ITIH5: variants seen among roughly 807,000 people sequenced by gnomAD.
The protein encoded by ITIH5 is inter-alpha-trypsin inhibitor heavy chain H5.
A neutral mutation model predicts 77.5 loss-of-function variants in ITIH5; 65 were observed. The observed-to-expected ratio is 0.84, with a 90% CI of 0.69 to 1.03. ITIH5 has a LOEUF of 1.03. Ranked by LOEUF, ITIH5 falls within the 50% of genes least tolerant of loss-of-function variation. ITIH5 has a pLI of 0.00. For missense variants in ITIH5, 1,208 were observed against 1,213.1 expected, an observed-to-expected ratio of 1.00 and a Z score of 0.06; for synonymous variants, 525 against 494.3, an observed-to-expected ratio of 1.06 and a Z score of -0.82.
At chr10:7,602,210 G>A (rs577389330) in intron 7 of ITIH5, among the ~76,000 whole-genome samples, 1 of 152,268 alleles carries the variant, frequency 6.6e-6, no homozygotes, top group African/African-American at 2.4e-5. Context: ...CCCTGAAGGA[G>A]TTTTATCCAT....
chr10:7,566,277 C>A lies in ITIH5; in HGVS notation c.2280G>T (p.Pro760=). The change falls in exon 13 of 14, where the codon CCG becomes CCT. Residue 760 remains proline (P), a synonymous_variant. Coordinates refer to ENST00000397146, the MANE Select transcript of ITIH5 (RefSeq NM_030569.7). The stretch of plus-strand genomic sequence containing the variant: ...CCCCACCATCCAAGATGACTCTGCT[C>A]GGTGTGATCTCGAGATAAGATCTCT... The part of the protein sequence containing the change: ...KPERSYLEIT[P]SRVILDGGDR... 1 of 1,613,390 alleles carries A rather than the reference C, an allele frequency of 6.2e-7. No individual in the cohort carries two copies. Among genetic ancestry groups the A allele is most frequent in the Non-Finnish European group, 8.5e-7 (1 of 1,179,730 alleles).
In ITIH5 at chr10:7,616,227, C is replaced by T. The variant is rs147112744; in HGVS notation, c.823-129G>A. ...AGAGTTTAGGGTGAGATTCCACACC[C>T]GGAGTAAAATTATCTAAGGCCCTGA... On this transcript the variant is annotated intron_variant, in intron 6 of 13. Transcript: ENST00000397146. 154 of 621,710 alleles carry T rather than the reference C, an allele frequency of 2.5e-4. No homozygotes were observed. In the African/African-American group the frequency reaches 2.5e-3, roughly 10 times the overall value. 38.5% of individuals were successfully genotyped at this position (621,710 alleles called of 1,614,324 possible).
At chr10:7,596,345 C>T (rs546558661) in intron 7 of ITIH5, among the ~76,000 whole-genome samples, 16 of 152,294 alleles carry the variant, frequency 1.1e-4, no homozygotes, top group Admixed American at 6.5e-4. Flanking sequence ...AGTAGAATCG[C>T]GTCTAATAAG....
chr10:7,644,887 CATATATATATCACAT>C (rs1182794596), intron 2 of ITIH5, among the ~76,000 whole-genome samples: 40 of 93,566 alleles, frequency 4.3e-4, no homozygotes, highest in South Asian at 8.2e-4. Flanking sequence ...ATATATATCA[CATATATATATCACAT>C]ATATATATCA....
At chr10:7,574,034 A>G (rs752324374) in intron 10 of ITIH5, among the ~76,000 whole-genome samples, 2 of 152,254 alleles carry the variant, frequency 1.3e-5, no homozygotes, top group African/African-American at 2.4e-5. Flanking sequence ...AAAACAAACA[A>G]TAATGTAATA....
intron 5 of ITIH5, among the ~76,000 whole-genome samples, chr10:7,631,149 C>T (rs577999906): frequency 6.7e-6 from 1 of 149,040 alleles, no homozygotes; most frequent in East Asian, 1.9e-4. Context: ...CCGTTGCAAT[C>T]ACAAGGGGAT....
intron 6 of ITIH5, among the ~76,000 whole-genome samples, 199 bp from the exon 7 acceptor site, chr10:7,616,297 G>C (rs7893294): frequency 0.027 from 4,159 of 152,220 alleles, 203 homozygotes; most frequent in African/African-American, 0.094. Flanking sequence ...TATAAGGGTA[G>C]ACTCTTCCCT....
chr10:7,596,011 T>TAATA (rs1009962576), intron 7 of ITIH5, among the ~76,000 whole-genome samples: 2 of 152,110 alleles, frequency 1.3e-5, no homozygotes, highest in African/African-American at 2.4e-5. Flanking sequence ...CCGTCTAAAT[T>TAATA]AATAAATAAA....
chr10:7,575,861 T>G (rs1265702197), intron 10 of ITIH5, among the ~76,000 whole-genome samples: 2 of 152,210 alleles, frequency 1.3e-5, no homozygotes. Context: ...AAGCACTCAG[T>G]TTATTGATGC....
chr10:7,624,798 A>AATATATATATATATACACAC lies in ITIH5; in HGVS notation c.653-7517_653-7516insGTGTGTATATATATATATAT, dbSNP rs1833533915. On this transcript the variant is annotated intron_variant, in intron 5 of 13. Transcript: ENST00000397146. ...GAGACTCTGCCTAAAAAAAAAAAAA[A>AATATATATATATATACACAC]ATATATATATATATACACATATATA... is the stretch of plus-strand genomic sequence containing the variant. Among the ~76,000 whole-genome samples, 3 of 61,798 alleles carry AATATATATATATATACACAC rather than the reference A, an allele frequency of 4.9e-5. 1 individual carries two copies. Among genetic ancestry groups the AATATATATATATATACACAC allele is most frequent in the African/African-American group, 2.1e-4 (3 of 14,282 alleles). 40.5% of individuals were successfully genotyped at this position (61,798 alleles called of 152,430 possible).
At chr10:7,654,692 T>A (rs926684125) in intron 2 of ITIH5, among the ~76,000 whole-genome samples, 3 of 152,232 alleles carry the variant, frequency 2.0e-5, no homozygotes, top group East Asian at 3.8e-4. Context: ...CTGTGAGTAA[T>A]AAATCATCCT....
chr10:7,599,405 G>C (rs923756912), intron 7 of ITIH5, among the ~76,000 whole-genome samples: 1 of 152,114 alleles, frequency 6.6e-6, no homozygotes, highest in African/African-American at 2.4e-5. Context: ...GTGTGTAACT[G>C]GTGTCTCCCA....
intron 5 of ITIH5, among the ~76,000 whole-genome samples, chr10:7,635,251 A>G (rs1833780749): frequency 6.6e-6 from 1 of 152,262 alleles, no homozygotes; most frequent in African/African-American, 2.4e-5. Flanking sequence ...AAAAGTCAAT[A>G]TAATGTGAAA....
rs556088169 is a variant in ITIH5 at position 7,583,043 on chromosome 10, T to C, written c.1108+2858A>G. The stretch of plus-strand genomic sequence containing the variant: ...TGCTTGAGGTGATGGATATCTCATT[T>C]ATCTGATGTAATTATCACACAATGT... On this transcript the variant is annotated intron_variant, in intron 8 of 13. Transcript: ENST00000397146. 1.3e-4 allele frequency among the ~76,000 whole-genome samples: 20 copies of C among 152,336 alleles called. No individual in the cohort carries two copies. The South Asian group carries it at 4.1e-3, about 32-fold the overall frequency.
intron 1 of ITIH5, among the ~76,000 whole-genome samples, chr10:7,657,261 A>T (rs112740940): frequency 0.044 from 6,347 of 144,976 alleles, 251 homozygotes; most frequent in African/African-American, 0.11. Context: ...GTTGGCCAGC[A>T]TGGTCTGGAT....
Position 7,566,420 on chromosome 10 carries a change from G to A in ITIH5, c.2150-13C>T, listed in dbSNP as rs746489805. The A allele has an allele frequency of 6.3e-7, 1 of 1,580,656 alleles. No homozygotes were observed. The highest frequency in any genetic ancestry group is 2.3e-5 in the East Asian group (1 of 44,248). On this transcript the variant is annotated splice_polypyrimidine_tract_variant and intron_variant, in intron 12 of 13. Coordinates refer to ENST00000397146, the MANE Select transcript of ITIH5 (RefSeq NM_030569.7). ...TTCACTGTGACACCTCAAAGGCCAA[G>A]GGGAAAAGAAGAAGGTTAGAAAATC...
chr10:7,637,474 T>C lies in ITIH5; in HGVS notation c.406A>G (p.Lys136Glu). The change falls in exon 5 of 14, where the codon AAG becomes GAG. Residue 136 changes from lysine (K) to glutamate (E), a missense_variant. Transcript: ENST00000397146. Reference protein sequence around the residue: ...RNKTTEENGEKGTEIFRASAV... With the variant: ...RNKTTEENGEEGTEIFRASAV... ...GAAGCTCTGAATATTTCAGTCCCCT[T>C]CTCTCTGTCAGGAAAAAGGAAAAGG... is the stretch of plus-strand genomic sequence containing the variant. The C allele has an allele frequency of 2.5e-6, 4 of 1,613,450 alleles. No homozygotes were observed. Among genetic ancestry groups the C allele is most frequent in the Non-Finnish European group, 1.7e-6 (2 of 1,179,890 alleles).
At chr10:7,616,832 T>G (rs1382519429) in intron 6 of ITIH5, among the ~76,000 whole-genome samples, 1 of 151,880 alleles carries the variant, frequency 6.6e-6, no homozygotes, top group Admixed American at 6.6e-5. Flanking sequence ...GTCTCAAAAA[T>G]AAAATAAAAT....
chr10:7,572,022 G>C (rs1588361269), intron 11 of ITIH5: 1 of 1,010,412 alleles, frequency 9.9e-7, no homozygotes, highest in Non-Finnish European at 1.2e-6. Flanking sequence ...TACAAGGAAA[G>C]ATAGTGCTTG....
Sources: gnomAD v4.1 joint callset for allele counts (sites outside exome capture counted in the v4.1 genomes callset) on GRCh38, gnomAD v4.1.1 for gene constraint, MANE v1.5 for transcripts, NCBI Gene and HGNC (gene_info 2026-07-23, HGNC 2026-07-21) for gene names.